DNAJC1: variants seen among roughly 807,000 people sequenced by gnomAD.
The protein encoded by DNAJC1 is DnaJ heat shock protein family (Hsp40) member C1.
Under a neutral mutation model 76.6 loss-of-function variants are expected in DNAJC1, and 58 were observed. The observed-to-expected ratio is 0.76, with a 90% CI of 0.61 to 0.94. The LOEUF (loss-of-function observed/expected upper bound fraction) is 0.94. Among genes scored for constraint, DNAJC1 ranks in the 40% least tolerant of loss-of-function variants. The pLI, the probability that DNAJC1 is intolerant of heterozygous loss-of-function variation, is 0.00. For missense variants in DNAJC1, 689 were observed against 677.3 expected, an observed-to-expected ratio of 1.02 and a Z score of -0.19; for synonymous variants, 258 against 267.9, an observed-to-expected ratio of 0.96 and a Z score of 0.36.
chr10:21,812,385 G>C (rs1156382253), intron 8 of DNAJC1, among the ~76,000 whole-genome samples: 1 of 152,058 alleles, frequency 6.6e-6, no homozygotes, highest in Non-Finnish European at 1.5e-5. Flanking sequence ...ATCTTCACAT[G>C]TGCTTACTGG....
chr10:21,909,148 A>G (rs930600451), intron 6 of DNAJC1, among the ~76,000 whole-genome samples: 21 of 152,204 alleles, frequency 1.4e-4, no homozygotes, highest in African/African-American at 5.1e-4. Context: ...TCGGCCTCCC[A>G]AAGTGCTGGG....
intron 8 of DNAJC1, among the ~76,000 whole-genome samples, chr10:21,808,195 A>G (rs994253338): frequency 1.8e-4 from 28 of 152,244 alleles, no homozygotes; most frequent in African/African-American, 6.7e-4. Flanking sequence ...ACATTTTTGG[A>G]GCAAAAAAAT....
chr10:21,920,346 C>A (rs1173424834), intron 4 of DNAJC1, among the ~76,000 whole-genome samples: 1 of 151,732 alleles, frequency 6.6e-6, no homozygotes, highest in Non-Finnish European at 1.5e-5. Context: ...CATATTAAAC[C>A]AAGAAAAGTG....
At chr10:21,824,421 T>C (rs1377387405) in intron 8 of DNAJC1, among the ~76,000 whole-genome samples, 1 of 152,202 alleles carries the variant, frequency 6.6e-6, no homozygotes, top group East Asian at 1.9e-4. Flanking sequence ...CAGAGACTAC[T>C]AGTGTCTCGA....
Position 21,759,359 on chromosome 10 carries a change from CT to C in DNAJC1, c.1406del (p.Lys469ArgfsTer5). The C allele has an allele frequency of 6.2e-7, 1 of 1,614,212 alleles. No homozygotes were observed. The highest frequency in any genetic ancestry group is 1.3e-5 in the African/African-American group (1 of 75,066). On this transcript the variant is annotated frameshift_variant, in exon 11 of 12. Coordinates refer to ENST00000376980, the MANE Select transcript of DNAJC1 (RefSeq NM_022365.4). LOFTEE classifies it high-confidence loss of function. ...CGTTTTGTTCTGCTATGTCAAAGTC[CT>C]TCTGCCGCTTGGCTCTGGACTTCTC... ...PEEKSRAKRQ[K>X]DFDIAEQNES...
intron 10 of DNAJC1, 81 bp from the exon 11 acceptor site, chr10:21,759,699 G>A (rs970116967): frequency 7.3e-7 from 1 of 1,362,600 alleles, no homozygotes; most frequent in African/African-American, 1.5e-5. Flanking sequence ...GCCGGGCACA[G>A]AGCAGGCAGC....
Position 21,952,667 on chromosome 10 carries a change from GA to G in DNAJC1, c.223-23527del, listed in dbSNP as rs143168860. ...CCAGTTACTCGGTAGGCTGAGGTGG[GA>G]GAATCACTTGAAACTGGGAGGCAGA... On this transcript the variant is annotated intron_variant, in intron 1 of 11. Coordinates refer to ENST00000376980, the MANE Select transcript of DNAJC1 (RefSeq NM_022365.4). Among the ~76,000 whole-genome samples the G allele has an allele frequency of 3.7e-3, 561 of 152,300 alleles. 5 individuals carry two copies. Among genetic ancestry groups the G allele is most frequent in the African/African-American group, 0.013 (552 of 41,558 alleles).
intron 8 of DNAJC1, among the ~76,000 whole-genome samples, chr10:21,854,625 A>T (rs1213178483): frequency 6.6e-6 from 1 of 152,170 alleles, no homozygotes; most frequent in Admixed American, 6.5e-5. Context: ...TGATTGGAAG[A>T]AGTAGCATAT....
chr10:21,808,057 G>T (rs1383467062), intron 8 of DNAJC1, among the ~76,000 whole-genome samples: 1 of 152,100 alleles, frequency 6.6e-6, no homozygotes, highest in Non-Finnish European at 1.5e-5. Context: ...ATTTAAATAA[G>T]CTTACAGTAA....
At chr10:21,842,461 ATTC>A (rs1359973697) in intron 8 of DNAJC1, among the ~76,000 whole-genome samples, 1 of 152,212 alleles carries the variant, frequency 6.6e-6, no homozygotes, top group Non-Finnish European at 1.5e-5. Flanking sequence ...AGCGTATATA[ATTC>A]TGAGTCTATG....
intron 8 of DNAJC1, among the ~76,000 whole-genome samples, chr10:21,840,137 C>A (rs1245707956): frequency 6.6e-6 from 1 of 152,126 alleles, no homozygotes; most frequent in Non-Finnish European, 1.5e-5. Flanking sequence ...AAACTCACAG[C>A]CAATATCATA....
intron 1 of DNAJC1, among the ~76,000 whole-genome samples, chr10:21,997,632 C>G (rs533359263): frequency 6.6e-6 from 1 of 152,138 alleles, no homozygotes; most frequent in Non-Finnish European, 1.5e-5. Flanking sequence ...GGAAGTTCCT[C>G]CCAACCATGG....
chr10:21,774,849 C>T (rs1264378948), intron 9 of DNAJC1, among the ~76,000 whole-genome samples: 1 of 152,190 alleles, frequency 6.6e-6, no homozygotes, highest in African/African-American at 2.4e-5. Flanking sequence ...AAACAAATTC[C>T]AATGGCACAT....
intron 7 of DNAJC1, among the ~76,000 whole-genome samples, chr10:21,900,450 A>T (rs1451277427): frequency 6.6e-6 from 1 of 152,132 alleles, no homozygotes; most frequent in Admixed American, 6.6e-5. Context: ...AATCATTGCC[A>T]TGGGGAAACT....
intron 6 of DNAJC1, among the ~76,000 whole-genome samples, chr10:21,912,462 G>A (rs1018086052): frequency 6.6e-6 from 1 of 152,134 alleles, no homozygotes; most frequent in Non-Finnish European, 1.5e-5. Flanking sequence ...TACTTTCAGA[G>A]GGTGGAAGTA....
At chr10:21,821,843 G>GAA (rs879615253) in intron 8 of DNAJC1, among the ~76,000 whole-genome samples, 25 of 127,542 alleles carry the variant, frequency 2.0e-4, no homozygotes, top group African/African-American at 6.8e-4. Context: ...ACCTATTCAG[G>GAA]AAAAAAAAAA....
chr10:21,835,926 C>A (rs1227031004), intron 8 of DNAJC1, among the ~76,000 whole-genome samples: 9 of 152,166 alleles, frequency 5.9e-5, no homozygotes, highest in African/African-American at 1.7e-4. Context: ...AGGAGAACTT[C>A]CCCAATCTAG....
At chr10:21,852,809 A>G (rs1236909647) in intron 8 of DNAJC1, among the ~76,000 whole-genome samples, 3 of 151,912 alleles carry the variant, frequency 2.0e-5, no homozygotes, top group Admixed American at 2.0e-4. Flanking sequence ...ATGAAAAGAT[A>G]TGGTTTGCTC....
chr10:21,982,314 T>G (rs1284124485), intron 1 of DNAJC1, among the ~76,000 whole-genome samples: 2 of 151,908 alleles, frequency 1.3e-5, no homozygotes, highest in Non-Finnish European at 2.9e-5. Flanking sequence ...AGAAAATATA[T>G]GGGAAAAAAC....
Sources: gnomAD v4.1 joint callset for allele counts (sites outside exome capture counted in the v4.1 genomes callset) on GRCh38, gnomAD v4.1.1 for gene constraint, MANE v1.5 for transcripts, NCBI Gene and HGNC (gene_info 2026-07-23, HGNC 2026-07-21) for gene names.